NREP: variants seen among roughly 807,000 people sequenced by gnomAD.
The protein encoded by NREP is neuronal regeneration-related protein.
NREP carries 5 observed loss-of-function variants against 8.6 expected under a neutral mutation model. The ratio of observed to expected loss-of-function variants is 0.58; its 90% confidence interval spans 0.30 to 1.22. NREP has a LOEUF of 1.22. NREP is among the 50% of genes most tolerant of loss of function. The pLI is 0.07. For missense variants in NREP, 86 were observed against 82.5 expected (o/e 1.04, Z -0.17); for synonymous variants, 27 against 28.0 (o/e 0.96, Z 0.11).
chr5:111,803,130 T>G (rs1008138210), intron 2 of NREP, among the ~76,000 whole-genome samples: 2 of 152,166 alleles, frequency 1.3e-5, no homozygotes, highest in East Asian at 1.9e-4. Context: ...CCAAGTGCCA[T>G]TGATACCAGC....
At chr5:111,881,259 C>G (rs1754058288) in intron 2 of NREP, among the ~76,000 whole-genome samples, 1 of 152,206 alleles carries the variant, frequency 6.6e-6, no homozygotes, top group East Asian at 1.9e-4. Context: ...TGCAAGGTGG[C>G]AGCCAGGCTG....
intron 2 of NREP, among the ~76,000 whole-genome samples, chr5:111,832,421 C>T (rs1029422699): frequency 6.6e-6 from 1 of 152,106 alleles, no homozygotes; most frequent in African/African-American, 2.4e-5. Context: ...GTCCCAGCTA[C>T]TTGTGGGTCT....
intron 2 of NREP, among the ~76,000 whole-genome samples, chr5:111,964,998 T>C (rs1756602756): frequency 2.0e-5 from 3 of 151,580 alleles, no homozygotes; most frequent in African/African-American, 7.3e-5. Context: ...ATTGTTTATC[T>C]CAGTGGTTCA....
intron 2 of NREP, among the ~76,000 whole-genome samples, chr5:111,753,970 A>G (rs1750542491): frequency 6.6e-6 from 1 of 152,156 alleles, no homozygotes; most frequent in Non-Finnish European, 1.5e-5. Flanking sequence ...GGAAAAAGAG[A>G]ATTGCTAGAA....
intron 2 of NREP, among the ~76,000 whole-genome samples, chr5:111,736,393 C>T (rs1749118548): frequency 6.6e-6 from 1 of 152,160 alleles, no homozygotes. Context: ...TGATTGAAAG[C>T]AGAGTGAAAT....
chr5:111,945,751 A>G (rs773689145), intron 2 of NREP, among the ~76,000 whole-genome samples: 1 of 99,926 alleles, frequency 1.0e-5, no homozygotes, highest in African/African-American at 3.9e-5. Flanking sequence ...CTATGTCTCT[A>G]TTTCACAGCC....
At chr5:111,758,025 G>C, upstream of NREP, 1 of 985,546 alleles carries the variant, frequency 1.0e-6, no homozygotes. Context: ...CCTGAGCGAA[G>C]CAGAAAATGG....
chr5:111,942,522 A>C (rs1201005404), intron 2 of NREP, among the ~76,000 whole-genome samples: 3 of 152,060 alleles, frequency 2.0e-5, no homozygotes, highest in Non-Finnish European at 2.9e-5. Context: ...TGTGCTATCA[A>C]ATAGCAGCAA....
At chr5:111,934,162 T>A (rs1265301869) in intron 2 of NREP, among the ~76,000 whole-genome samples, 2 of 152,074 alleles carry the variant, frequency 1.3e-5, no homozygotes. Context: ...GCCACCATCA[T>A]GGGCAGACCT....
At chr5:111,885,747 G>T (rs1402869371) in intron 2 of NREP, among the ~76,000 whole-genome samples, 1 of 152,168 alleles carries the variant, frequency 6.6e-6, no homozygotes, top group Admixed American at 6.5e-5. Context: ...AATAAATGGT[G>T]CTGGGAAAAC....
intron 2 of NREP, among the ~76,000 whole-genome samples, chr5:111,863,543 G>A (rs1487484841): frequency 6.6e-6 from 1 of 152,004 alleles, no homozygotes; most frequent in Non-Finnish European, 1.5e-5. Context: ...GCAGGTCCAG[G>A]ACCAAGCCTT....
chr5:111,911,727 C>T (rs1754917323), intron 2 of NREP, among the ~76,000 whole-genome samples: 1 of 151,848 alleles, frequency 6.6e-6, no homozygotes, highest in Admixed American at 6.6e-5. Context: ...TTTTTTTGAC[C>T]ATCTAAAAGA....
chr5:111,887,851 A>C (rs919370525), intron 2 of NREP, among the ~76,000 whole-genome samples: 8 of 152,190 alleles, frequency 5.3e-5, no homozygotes, highest in Non-Finnish European at 1.2e-4. Context: ...AAATTGGAAA[A>C]AGACTTCCCA....
chr5:111,917,888 G>A (rs1035775230), intron 2 of NREP, among the ~76,000 whole-genome samples: 4 of 152,034 alleles, frequency 2.6e-5, no homozygotes, highest in African/African-American at 9.7e-5. Flanking sequence ...GAAATAAAAG[G>A]TATTCAGTTA....
At chr5:111,870,988 T>C (rs1367435024) in intron 2 of NREP, among the ~76,000 whole-genome samples, 6 of 151,954 alleles carry the variant, frequency 3.9e-5, no homozygotes, top group Non-Finnish European at 7.4e-5. Context: ...GAAAGGTCTA[T>C]AGCCTGAACC....
At chr5:111,975,467 A>C (rs1351945543) in intron 1 of NREP, 4 of 836,606 alleles carry the variant, frequency 4.8e-6, no homozygotes, top group Non-Finnish European at 5.9e-6. Flanking sequence ...GAGGAGGAGA[A>C]TGGGCATTGT....
intron 2 of NREP, among the ~76,000 whole-genome samples, chr5:111,742,942 A>C (rs1749773326): frequency 6.6e-6 from 1 of 152,180 alleles, no homozygotes; most frequent in Non-Finnish European, 1.5e-5. Flanking sequence ...AGCCTGGTAC[A>C]GTAATCGGAG....
chr5:111,902,313 T>C (rs1173234199), intron 2 of NREP, among the ~76,000 whole-genome samples: 1 of 152,124 alleles, frequency 6.6e-6, no homozygotes, highest in Non-Finnish European at 1.5e-5. Context: ...GGATTAAAGA[T>C]TTAAAAGTAA....
chr5:111,824,214 C>T (rs1036653792), intron 2 of NREP, among the ~76,000 whole-genome samples: 3 of 152,022 alleles, frequency 2.0e-5, no homozygotes, highest in African/African-American at 7.2e-5. Context: ...ACTAAAAATA[C>T]AAAAATTAGC....
Sources: allele counts gnomAD v4.1 joint callset (sites outside exome capture counted in the v4.1 genomes callset), GRCh38; gene constraint gnomAD v4.1.1; transcripts MANE v1.5; gene names NCBI Gene and HGNC (gene_info 2026-07-23, HGNC 2026-07-21).